ZSCAN32: variants seen among roughly 807,000 people sequenced by gnomAD.
ZSCAN32 encodes the protein zinc finger and SCAN domain-containing protein 32.
A neutral mutation model predicts 47.4 loss-of-function variants in ZSCAN32; 52 were observed. That is an observed-to-expected ratio of 1.10 (90% CI 0.88 to 1.38). The LOEUF is 1.38. ZSCAN32 is among the 40% of genes most tolerant of loss of function. The pLI, the probability that ZSCAN32 is intolerant of heterozygous loss-of-function variation, is 0.00. For missense variants in ZSCAN32, 959 were observed against 846.0 expected, an observed-to-expected ratio of 1.13 and a Z score of -1.66; for synonymous variants, 346 against 305.7, an observed-to-expected ratio of 1.13 and a Z score of -1.38.
intron 1 of ZSCAN32, among the ~76,000 whole-genome samples, chr16:3,399,851 C>T (rs1348615279): frequency 6.6e-6 from 1 of 152,192 alleles, no homozygotes; most frequent in Non-Finnish European, 1.5e-5. Flanking sequence ...AGTGATCCTC[C>T]CACCTTGGCC....
chr16:3,392,434 G>A (rs1432561872), intron 3 of ZSCAN32, among the ~76,000 whole-genome samples: 5 of 146,706 alleles, frequency 3.4e-5, no homozygotes, highest in Non-Finnish European at 7.4e-5. Flanking sequence ...GGTTGGTCTC[G>A]ACTCCTAGGC....
chr16:3,400,747 C>G (rs2033823448), intron 1 of ZSCAN32, among the ~76,000 whole-genome samples, 198 bp downstream of exon 1: 1 of 152,012 alleles, frequency 6.6e-6, no homozygotes. Flanking sequence ...TCGGGGTGAT[C>G]CGCACGGTGG....
chr16:3,382,927 G>A lies in ZSCAN32; in HGVS notation c.2019C>T (p.Asn673=), dbSNP rs780288078. The A allele has an allele frequency of 1.6e-5, 26 of 1,613,086 alleles. No homozygotes were observed. In the South Asian group the frequency reaches 2.2e-4, roughly 14 times the overall value. ...CTGTCTGATGACGGGTGAGGGCAGA[G>A]TTCTTAGTGAAGCCTCTCTCACAGT... ...CSHCERGFTK[N]SALTRHQTVH... is the part of the protein sequence containing the mutation. The change falls in exon 7 of 7, where the codon AAC becomes AAT. Residue 673 remains asparagine (N), a synonymous_variant. Transcript: ENST00000396852.
intron 6 of ZSCAN32, 189 bp from the exon 7 acceptor site, chr16:3,383,900 A>G (rs111922471): frequency 2.1e-5 from 15 of 703,414 alleles, no homozygotes; most frequent in African/African-American, 1.3e-4. Context: ...ATTACAGGAA[A>G]ATTATGCCCT....
chr16:3,385,538 A>C (rs1455334603), intron 5 of ZSCAN32, among the ~76,000 whole-genome samples: 1 of 152,214 alleles, frequency 6.6e-6, no homozygotes, highest in African/African-American at 2.4e-5. Flanking sequence ...ACCTGACTTC[A>C]AACTATACTA....
chr16:3,384,919 A>C lies in ZSCAN32; in HGVS notation c.774T>G (p.Tyr258Ter). ...VSLATGVPWG[Y>*]EETKTLLAIL... ...TAGCCAGGAGCGTCTTGGTCTCTTC[A>C]TAGCCCCAGGGCACACCTGTTGCTG... The change falls in exon 6 of 7, where the codon TAT becomes TAG. Residue 258 changes from tyrosine to a stop codon, truncating the protein, a stop_gained. Coordinates refer to ENST00000396852, the MANE Select transcript of ZSCAN32 (RefSeq NM_001284527.2). LOFTEE classifies it high-confidence loss of function. The C allele has an allele frequency of 6.2e-7, 1 of 1,613,628 alleles. No individual in the cohort carries two copies. Among genetic ancestry groups the C allele is most frequent in the Non-Finnish European group, 8.5e-7 (1 of 1,179,974 alleles).
intron 6 of ZSCAN32, 155 bp from the exon 7 acceptor site, chr16:3,383,866 T>G: frequency 1.1e-6 from 1 of 927,934 alleles, no homozygotes; most frequent in Non-Finnish European, 1.5e-6. Flanking sequence ...ATTTTCTCAT[T>G]GTAATATTTT....
In ZSCAN32 at chr16:3,384,862, G is replaced by C; in HGVS notation, c.831C>G (p.Leu277=). 6.2e-7 allele frequency: 1 copy of C among 1,614,130 alleles called. No individual in the cohort carries two copies. Among genetic ancestry groups the C allele is most frequent in the Non-Finnish European group, 8.5e-7 (1 of 1,180,014 alleles). The change falls in exon 6 of 7, where the codon CTC becomes CTG. Residue 277 remains leucine, a synonymous_variant. Transcript: ENST00000396852. ...TCTGGCTGTTCTGCTGACAGGTCTG[G>C]AGTTTTCCATAAAATTGAGAACTAC... ...ILSSSQFYGK[L]QTCQQNSQIY...
chr16:3,389,906 AAC>A, intron 5 of ZSCAN32, 102 bp downstream of exon 5: 1 of 1,220,196 alleles, frequency 8.2e-7, no homozygotes, highest in Non-Finnish European at 1.1e-6. Context: ...CCCTCCACCC[AAC>A]AGTCTCCCCA....
rs531060460 is a variant in ZSCAN32, at chr16:3,397,949, A to G, written c.-187-205T>C. On this transcript the variant is annotated intron_variant, in intron 1 of 6. Coordinates refer to ENST00000396852, the MANE Select transcript of ZSCAN32 (RefSeq NM_001284527.2). Reference sequence around the variant, plus strand: ...AGAAGATTATGACACTAAAAGAGATAGGATCTAACCAACTCCATCTTGCTT... The same window carrying G: ...AGAAGATTATGACACTAAAAGAGATGGGATCTAACCAACTCCATCTTGCTT... Among the ~76,000 whole-genome samples the G allele has an allele frequency of 2.0e-5, 3 of 152,354 alleles. No individual in the cohort carries two copies. The South Asian group carries it at 6.2e-4, about 32-fold the overall frequency.
rs2096350782 is a variant in ZSCAN32, at chr16:3,382,670, T to A, written c.*182A>T. 1.2e-6 allele frequency: 1 copy of A among 808,356 alleles called. No individual in the cohort carries two copies. The highest frequency in any genetic ancestry group is 3.3e-5 in the Admixed American group (1 of 29,980). 50.1% of individuals were successfully genotyped at this position (808,356 alleles called of 1,614,324 possible). A position where few individuals can be genotyped will look rare whatever the true frequency, so the allele number is the denominator to read the frequency against. ...GTCACAGTAAGATAGGACTCTGGAG[T>A]CACAGGCACAGCCAGGAGAGGTCAG... On this transcript the variant is annotated 3_prime_UTR_variant, in exon 7 of 7. Coordinates refer to ENST00000396852, the MANE Select transcript of ZSCAN32 (RefSeq NM_001284527.2).
In ZSCAN32 at chr16:3,390,110, T is replaced by C. The variant is rs2032501755; in HGVS notation, c.651A>G (p.Arg217=). ...ATTCTTGCTGACAGAGGGATACAGC[T>C]CTGTTGTCACGCATGGCTGGTCCCT... ...GSQGPAMRDN[R]AVSLCQQEWM... Residue 217 remains arginine, a synonymous_variant, in exon 5 of 7, where the codon AGA becomes AGG. Coordinates refer to ENST00000396852, the MANE Select transcript of ZSCAN32 (RefSeq NM_001284527.2). The C allele has an allele frequency of 6.2e-7, 1 of 1,613,374 alleles. No individual in the cohort carries two copies. Among genetic ancestry groups the C allele is most frequent in the Non-Finnish European group, 8.5e-7 (1 of 1,179,678 alleles).
At chr16:3,390,621 G>T in intron 3 of ZSCAN32, 104 bp from the exon 4 acceptor site, 1 of 873,932 alleles carries the variant, frequency 1.1e-6, no homozygotes, top group Non-Finnish European at 1.7e-6. Context: ...GCAGCCCCTG[G>T]CAACCCATCA....
Position 3,397,679 on chromosome 16 carries a change from A to T in ZSCAN32, c.-122T>A. 3 of 1,311,518 alleles carry T rather than the reference A, an allele frequency of 2.3e-6. No homozygotes were observed. The highest frequency in any genetic ancestry group is 1.5e-5 in the African/African-American group (1 of 67,414). The allele number at this position is 1,311,518 out of a possible 1,614,324, so 81.2% of individuals were successfully genotyped here. ...GGAATGTCTTTCTGTAATCCGTGGGACATGAGAGTGTCAGACATGTGTAGA... is the reference window on the plus strand; with the variant it reads ...GGAATGTCTTTCTGTAATCCGTGGGTCATGAGAGTGTCAGACATGTGTAGA... On this transcript the variant is annotated 5_prime_UTR_variant, in exon 2 of 7. Transcript: ENST00000396852.
chr16:3,399,296 A>T (rs2033667060), intron 1 of ZSCAN32, among the ~76,000 whole-genome samples: 1 of 152,200 alleles, frequency 6.6e-6, no homozygotes, highest in Admixed American at 6.5e-5. Context: ...AGAAGTGGGC[A>T]TATGACACAC....
In ZSCAN32 at chr16:3,391,234, C is replaced by T. The variant is rs540747874; in HGVS notation, c.533-717G>A. Among the ~76,000 whole-genome samples, 31 of 152,308 alleles carry T rather than the reference C, an allele frequency of 2.0e-4. No homozygotes were observed. In the East Asian group the frequency reaches 4.8e-3, roughly 24 times the overall value. On this transcript the variant is annotated intron_variant, in intron 3 of 6. Coordinates refer to ENST00000396852, the MANE Select transcript of ZSCAN32 (RefSeq NM_001284527.2). ...AGCCTAGCCTGGAAGGCAGCAAGTC[C>T]TGCTTCTCTTTACTTACAGCCCCCT...
intron 1 of ZSCAN32, among the ~76,000 whole-genome samples, chr16:3,399,583 T>C (rs1053809016): frequency 2.8e-4 from 43 of 152,088 alleles, no homozygotes; most frequent in African/African-American, 9.9e-4. Context: ...TAATTTAAAA[T>C]TAATAAATAA....
chr16:3,397,817 TATCC>T, intron 1 of ZSCAN32, 73 bp from the exon 2 acceptor site: 1 of 385,422 alleles, frequency 2.6e-6, no homozygotes, highest in Non-Finnish European at 4.7e-6. Context: ...ATTTACTTCC[TATCC>T]CTTTCCTTTA....
At chr16:3,398,326 C>T (rs1185626892) in intron 1 of ZSCAN32, among the ~76,000 whole-genome samples, 2 of 152,098 alleles carry the variant, frequency 1.3e-5, no homozygotes, top group Non-Finnish European at 2.9e-5. Context: ...CACCCAAAAT[C>T]GCACTCAGCA....
Sources: allele counts gnomAD v4.1 joint callset (sites outside exome capture counted in the v4.1 genomes callset), GRCh38; gene constraint gnomAD v4.1.1; transcripts MANE v1.5; gene names NCBI Gene and HGNC (gene_info 2026-07-23, HGNC 2026-07-21).